AKAP9: variants seen among roughly 807,000 people sequenced by gnomAD.
AKAP9 encodes the protein A-kinase anchor protein 9.
AKAP9 carries 311 observed loss-of-function variants against 488.5 expected under a neutral mutation model. That is an observed-to-expected ratio of 0.64 (90% CI 0.58 to 0.70). The LOEUF (loss-of-function observed/expected upper bound fraction) is 0.70, where lower values mean the gene tolerates loss of function less well. Among genes scored for constraint, AKAP9 ranks in the 30% least tolerant of loss-of-function variants. The pLI, the probability that AKAP9 is intolerant of heterozygous loss-of-function variation, is 0.00. For missense variants in AKAP9, 4,215 were observed against 4,374.5 expected, an observed-to-expected ratio of 0.96 and a Z score of 1.03; for synonymous variants, 1,462 against 1,483.5, an observed-to-expected ratio of 0.99 and a Z score of 0.33.
At chr7:92,028,150 A>G (rs2130748075) in intron 14 of AKAP9, among the ~76,000 whole-genome samples, 1 of 152,158 alleles carries the variant, frequency 6.6e-6, no homozygotes, top group Middle Eastern at 3.4e-3. Flanking sequence ...GGACACAAAC[A>G]CTGCGGAAGG....
In AKAP9 at chr7:92,070,085, T is replaced by G. The variant is rs759474634; in HGVS notation, c.6386T>G (p.Leu2129Trp). The stretch of plus-strand genomic sequence containing the variant: ...AAAACAGACAAATGCAGTGAGCTTT[T>G]GCTCTCTAAAGAGCAGCTTCAAAGG... Reference protein sequence around the residue: ...KEKTDKCSELLLSKEQLQRDI... With the variant: ...KEKTDKCSELWLSKEQLQRDI... Residue 2129 changes from leucine to tryptophan, a missense_variant, in exon 27 of 50, where the codon TTG becomes TGG. Around this residue, in one of 5 missense-constraint regions of AKAP9, gnomAD observed 2,361 missense variants for 2,430.0 expected, o/e 0.97. Transcript: ENST00000356239. 7.4e-6 allele frequency: 12 copies of G among 1,613,824 alleles called. No individual in the cohort carries two copies. The highest frequency in any genetic ancestry group is 3.3e-4 in the Middle Eastern group (2 of 6,084).
At position 92,093,234 on chromosome 7, in the gene AKAP9, A is replaced by G. The variant is rs935194798; in HGVS notation, c.9496A>G (p.Ser3166Gly). 1 of 1,614,008 alleles carries G rather than the reference A, an allele frequency of 6.2e-7. No homozygotes were observed. The highest frequency in any genetic ancestry group is 8.5e-7 in the Non-Finnish European group (1 of 1,180,026). ...SEKMVVAELKSELAQTKLELE... is the reference protein window; with the variant it reads ...SEKMVVAELKGELAQTKLELE... ...GAAAATGGTGGTTGCTGAACTGAAG[A>G]GTGAGCTTGCACAAACTAAATTGGA... The change falls in exon 39 of 50, where the codon AGT (serine) becomes GGT (glycine). Residue 3166 changes from serine (S) to glycine (G), a missense_variant. Coordinates refer to ENST00000356239, the MANE Select transcript of AKAP9 (RefSeq NM_005751.5).
chr7:91,947,949 A>G (rs1180669392), intron 1 of AKAP9, among the ~76,000 whole-genome samples: 1 of 152,184 alleles, frequency 6.6e-6, no homozygotes, highest in Non-Finnish European at 1.5e-5. Context: ...TTAAGCAGAT[A>G]TTCTTCATTG....
intron 22 of AKAP9, among the ~76,000 whole-genome samples, chr7:92,056,006 A>G (rs556358086): frequency 3.9e-5 from 6 of 152,112 alleles, no homozygotes; most frequent in Non-Finnish European, 7.4e-5. Flanking sequence ...ATGCTTCCAA[A>G]AATGGGTGAA....
chr7:92,053,065 T>A (rs987687712), intron 22 of AKAP9, 107 bp downstream of exon 22: 71 of 953,186 alleles, frequency 7.4e-5, no homozygotes, highest in Non-Finnish European at 1.1e-4. Flanking sequence ...TGTTTGGCAT[T>A]TTCAAAGCTT....
intron 12 of AKAP9, among the ~76,000 whole-genome samples, chr7:92,018,931 G>T (rs1188573455): frequency 6.6e-6 from 1 of 152,114 alleles, no homozygotes; most frequent in East Asian, 1.9e-4. Context: ...AACTACTGCT[G>T]CTTAAACCAG....
At chr7:92,101,099 T>C (rs1563148391) in intron 45 of AKAP9, 43 bp downstream of exon 45, 2 of 1,585,000 alleles carry the variant, frequency 1.3e-6, no homozygotes, top group Admixed American at 1.8e-5. Context: ...TGGTTCTATG[T>C]TTTTGCCTTC....
intron 5 of AKAP9, 109 bp downstream of exon 5, chr7:91,993,164 T>TTTTTC (rs1222256908): frequency 1.7e-6 from 2 of 1,190,380 alleles, no homozygotes; most frequent in Non-Finnish European, 1.2e-6. Flanking sequence ...TTTTTTAACT[T>TTTTTC]TTTTCTTTTC....
intron 1 of AKAP9, 133 bp downstream of exon 1, chr7:91,941,280 G>A (rs1283600024): frequency 2.0e-5 from 16 of 801,770 alleles, no homozygotes; most frequent in Middle Eastern, 6.9e-4. Flanking sequence ...GGGTCTTAGG[G>A]TCTGCATCTC....
intron 22 of AKAP9, among the ~76,000 whole-genome samples, chr7:92,053,271 C>T (rs975929766): frequency 1.3e-5 from 2 of 151,992 alleles, no homozygotes; most frequent in Non-Finnish European, 2.9e-5. Context: ...GTTTCTTAAC[C>T]GCTATTAAGT....
rs374138966 is a variant in AKAP9 at position 92,001,363 on chromosome 7, A to G, written c.1446A>G (p.Thr482=). ...CTTTAAGGTCATATTCAAATATTACAGTTAATGAAGATCAGATAAAGTTAA... is the reference window on the plus strand; with the variant it reads ...CTTTAAGGTCATATTCAAATATTACGGTTAATGAAGATCAGATAAAGTTAA... ...ENALRSYSNI[T]VNEDQIKLMN... The change falls in exon 8 of 50, where the codon ACA becomes ACG. Residue 482 remains threonine (T), a synonymous_variant. Coordinates refer to ENST00000356239, the MANE Select transcript of AKAP9 (RefSeq NM_005751.5). 15 of 1,613,702 alleles carry G rather than the reference A, an allele frequency of 9.3e-6. No individual in the cohort carries two copies. In the African/African-American group the frequency reaches 1.9e-4, roughly 20 times the overall value.
At chr7:92,094,935 A>G (rs1319299725) in intron 39 of AKAP9, 88 bp from the exon 40 acceptor site, 2 of 1,201,044 alleles carry the variant, frequency 1.7e-6, no homozygotes, top group Non-Finnish European at 2.5e-6. Flanking sequence ...TATATGCCTC[A>G]ACTTATCAGT....
At chr7:91,996,935 G>T (rs1258690151) in intron 7 of AKAP9, among the ~76,000 whole-genome samples, 2 of 152,076 alleles carry the variant, frequency 1.3e-5, no homozygotes, top group African/African-American at 4.8e-5. Context: ...TGCAATAGAA[G>T]TACAATTATC....
chr7:92,022,399 T>C (rs1179251975), intron 13 of AKAP9, 47 bp downstream of exon 13: 3 of 1,321,156 alleles, frequency 2.3e-6, no homozygotes, highest in East Asian at 2.3e-5. Flanking sequence ...ATAGCAAATA[T>C]TGAGTAATTT....
intron 1 of AKAP9, among the ~76,000 whole-genome samples, chr7:91,967,529 A>T (rs930370732): frequency 1.3e-5 from 2 of 152,158 alleles, no homozygotes; most frequent in Non-Finnish European, 2.9e-5. Context: ...GTTGAATTTT[A>T]AATTTTTTTT....
chr7:92,104,952 G>A (rs921324270), intron 46 of AKAP9, among the ~76,000 whole-genome samples: 1 of 152,186 alleles, frequency 6.6e-6, no homozygotes. Flanking sequence ...TAGTAATTTT[G>A]ATTAGAGGGA....
At position 92,099,684 on chromosome 7, in the gene AKAP9, C is replaced by T. The variant is rs763444110; in HGVS notation, c.10714-3C>T. The T allele has an allele frequency of 2.4e-5, 39 of 1,613,760 alleles. No homozygotes were observed. The highest frequency in any genetic ancestry group is 2.1e-4 in the South Asian group (19 of 91,060). ...GTGACCTTACACCATTTTATTTTTC[C>T]AGCCCAGCTTGGTGTCCCCAAGTAC... is the stretch of plus-strand genomic sequence containing the variant. On this transcript the variant is annotated splice_region_variant and splice_polypyrimidine_tract_variant and intron_variant, in intron 43 of 49. Transcript: ENST00000356239.
intron 9 of AKAP9, among the ~76,000 whole-genome samples, chr7:92,012,926 C>T (rs1020891980): frequency 1.1e-4 from 17 of 147,844 alleles, no homozygotes; most frequent in African/African-American, 4.3e-4. Context: ...TCTAGTACTT[C>T]CTGGCAGGAT....
intron 18 of AKAP9, chr7:92,041,184 C>A (rs767031369): frequency 8.3e-6 from 3 of 361,408 alleles, no homozygotes; most frequent in Non-Finnish European, 1.5e-5. Flanking sequence ...AGTGGCTACA[C>A]GGTTTTGTTT....
Sources: gnomAD v4.1 joint callset for allele counts (sites outside exome capture counted in the v4.1 genomes callset) on GRCh38, gnomAD v4.1.1 for gene constraint, gnomAD v4.1.1 regional missense constraint, MANE v1.5 for transcripts, NCBI Gene and HGNC (gene_info 2026-07-23, HGNC 2026-07-21) for gene names.